Variants in NDUFS7 observed in about 807,000 individuals in gnomAD.
The protein encoded by NDUFS7 is NADH dehydrogenase [ubiquinone] iron-sulfur protein 7, mitochondrial.
A neutral mutation model predicts 31.1 loss-of-function variants in NDUFS7; 11 were observed. The observed-to-expected ratio is 0.35, with a 90% CI of 0.22 to 0.59. NDUFS7 has a LOEUF of 0.59. NDUFS7 is among the 20% of genes least tolerant of loss of function. The pLI is 0.79. For missense variants in NDUFS7, 263 were observed against 324.2 expected (o/e 0.81, Z 1.45); for synonymous variants, 136 against 127.9 (o/e 1.06, Z -0.43).
At chr19:1,383,977 G>C in intron 1 of NDUFS7, 35 bp downstream of exon 1, 2 of 1,553,154 alleles carry the variant, frequency 1.3e-6, no homozygotes, top group Non-Finnish European at 1.7e-6. Context: ...GTGGGGCCGC[G>C]CGGGTCTGGG....
At position 1,387,932 on chromosome 19, in the gene NDUFS7, GGAGC is replaced by G; in HGVS notation, c.53+87_53+90del. The G allele has an allele frequency of 1.7e-5, 7 of 416,848 alleles. No homozygotes were observed. In the East Asian group the frequency reaches 2.4e-4, roughly 14 times the overall value. 25.8% of individuals were successfully genotyped at this position (416,848 alleles called of 1,614,324 possible). On this transcript the variant is annotated intron_variant, in intron 2 of 7. Coordinates refer to ENST00000233627, the MANE Select transcript of NDUFS7 (RefSeq NM_024407.5). ...GGGGCGGGGGGGGTGGGGGGTGGGG[GGAGC>G]GCCTTGTTGAAGGTCACGTGTCATG...
chr19:1,384,761 A>G (rs1287521995), intron 1 of NDUFS7, among the ~76,000 whole-genome samples: 1 of 152,206 alleles, frequency 6.6e-6, no homozygotes, highest in African/African-American at 2.4e-5. Flanking sequence ...CCGCTTGGTG[A>G]AAAGTTACAG....
chr19:1,391,313 C>A, intron 6 of NDUFS7, 148 bp downstream of exon 6: 1 of 1,012,710 alleles, frequency 9.9e-7, no homozygotes, highest in Non-Finnish European at 1.5e-6. Flanking sequence ...TCGGTGCCTC[C>A]ACCCTAGGCA....
At position 1,390,913 on chromosome 19, in the gene NDUFS7, G is replaced by T; in HGVS notation, c.271G>T (p.Val91Leu). 6.2e-7 allele frequency: 1 copy of T among 1,611,708 alleles called. No homozygotes were observed. Residue 91 changes from valine (V) to leucine (L), a missense_variant, in exon 5 of 8, where the codon GTG becomes TTG. Transcript: ENST00000233627. ...GACCTTCGGCCTGGCCTGCTGCGCCGTGGAGATGATGCACATGGCAGCACC... is the reference window on the plus strand; with the variant it reads ...GACCTTCGGCCTGGCCTGCTGCGCCTTGGAGATGATGCACATGGCAGCACC... ...PMTFGLACCA[V>L]EMMHMAAPRY...
intron 1 of NDUFS7, among the ~76,000 whole-genome samples, chr19:1,385,013 G>C (rs1042696584): frequency 1.3e-5 from 2 of 151,958 alleles, no homozygotes; most frequent in Non-Finnish European, 2.9e-5. Flanking sequence ...TGGGGGTCTT[G>C]CCCTGTTGCC....
chr19:1,395,136 A>G (rs2082587447), intron 7 of NDUFS7: 1 of 1,385,998 alleles, frequency 7.2e-7, no homozygotes, highest in Admixed American at 3.0e-5. Flanking sequence ...CTTGTCCGAG[A>G]GGTCCCTGTG....
intron 7 of NDUFS7, chr19:1,394,356 C>T: frequency 7.8e-7 from 1 of 1,288,132 alleles, no homozygotes; most frequent in Non-Finnish European, 1.0e-6. Context: ...TGGCGTCTTC[C>T]CCTGCAGTGC....
At chr19:1,387,976 C>A in intron 2 of NDUFS7, 129 bp downstream of exon 2, 2 of 859,624 alleles carry the variant, frequency 2.3e-6, no homozygotes, top group Non-Finnish European at 3.7e-6. Context: ...GGACAGGATG[C>A]AGGTGACGGT....
intron 4 of NDUFS7, 160 bp downstream of exon 4, chr19:1,389,098 GAT>G (rs1158440076): frequency 1.8e-5 from 13 of 734,854 alleles, no homozygotes; most frequent in East Asian, 2.7e-5. Flanking sequence ...TGTATGGACA[GAT>G]GTGTACACGG....
intron 4 of NDUFS7, chr19:1,389,200 C>G (rs982583388): frequency 5.8e-6 from 4 of 687,262 alleles, no homozygotes; most frequent in Non-Finnish European, 1.1e-5. Flanking sequence ...CACATGTGCA[C>G]ACACGCTTGC....
At chr19:1,388,439 G>C (rs1600146633) in intron 2 of NDUFS7, 86 bp from the exon 3 acceptor site, 1 of 1,229,874 alleles carries the variant, frequency 8.1e-7, no homozygotes, top group East Asian at 2.4e-5. Context: ...GCAGCAGGGA[G>C]GGGAGAGGCA....
Position 1,393,008 on chromosome 19 carries a change from G to C in NDUFS7, c.456-234G>C. 1.7e-6 allele frequency: 1 copy of C among 593,176 alleles called. No individual in the cohort carries two copies. Among genetic ancestry groups the C allele is most frequent in the Non-Finnish European group, 3.0e-6 (1 of 330,974 alleles). 36.7% of individuals were successfully genotyped at this position (593,176 alleles called of 1,614,324 possible). ...GGAATCGGTGGTCAGGAGCCCCCTC[G>C]GGAGGGGAGCACTTTTCCCCGAGTT... On this transcript the variant is annotated intron_variant, in intron 6 of 7. Transcript: ENST00000233627. This position sits in a 1 kb window ranked among gnomAD's most constrained non-coding sequence, Gnocchi z 7.3.
intron 4 of NDUFS7, chr19:1,390,124 TCTC>T (rs1023938038): frequency 1.9e-5 from 3 of 155,362 alleles, no homozygotes; most frequent in African/African-American, 7.2e-5. Context: ...ATGGTCTCGA[TCTC>T]CTGACCTCGT....
At chr19:1,392,845 C>A in intron 6 of NDUFS7, 2 of 316,716 alleles carry the variant, frequency 6.3e-6, no homozygotes, top group Non-Finnish European at 1.2e-5. Context: ...CCGGGTGGAC[C>A]CCAGCGCCTC....
intron 4 of NDUFS7, 86 bp from the exon 5 acceptor site, chr19:1,390,785 G>A: frequency 6.8e-7 from 1 of 1,472,296 alleles, no homozygotes. Flanking sequence ...ACATGAGTCG[G>A]GGGTTCTGGG....
intron 6 of NDUFS7, chr19:1,392,136 C>G (rs1207197106): frequency 1.3e-5 from 2 of 152,104 alleles, no homozygotes; most frequent in Non-Finnish European, 2.9e-5. Context: ...CATGAGCCAC[C>G]ATGCCTGGCC....
At chr19:1,394,789 C>T (rs1275078693) in intron 7 of NDUFS7, 21 of 1,179,466 alleles carry the variant, frequency 1.8e-5, no homozygotes, top group Non-Finnish European at 2.1e-5. Flanking sequence ...CTGCAGTGGC[C>T]TTGTCCTTTC....
intron 1 of NDUFS7, chr19:1,386,817 CCCCATCTCCA>C (rs2082510314): frequency 6.6e-6 from 1 of 152,334 alleles, no homozygotes; most frequent in African/African-American, 2.4e-5. Context: ...CCTTTAAAGA[CCCCATCTCCA>C]AAAGCAGTCA....
At chr19:1,389,071 G>A in intron 4 of NDUFS7, 133 bp downstream of exon 4, 1 of 789,734 alleles carries the variant, frequency 1.3e-6, no homozygotes, top group Non-Finnish European at 2.2e-6. Flanking sequence ...ATGCGCACAT[G>A]TGCATGCAAG....
Sources: gnomAD v4.1 joint callset for allele counts (sites outside exome capture counted in the v4.1 genomes callset) on GRCh38, gnomAD v4.1.1 for gene constraint, Gnocchi (gnomAD v3.1) non-coding constraint, MANE v1.5 for transcripts, NCBI Gene and HGNC (gene_info 2026-07-23, HGNC 2026-07-21) for gene names.